JARID2: variants seen among roughly 807,000 people sequenced by gnomAD.
JARID2 encodes protein Jumonji.
In JARID2, 21 loss-of-function variants were observed where a neutral mutation model predicts 125.6. The observed-to-expected ratio is 0.17, with a 90% confidence interval of 0.12 to 0.24. The LOEUF (loss-of-function observed/expected upper bound fraction) is 0.24. JARID2 is among the 10% of genes least tolerant of loss of function. The pLI is 1.00. For synonymous variants in JARID2, 736 were observed against 661.6 expected (o/e 1.11, Z -1.73); for missense variants, 1,303 against 1,639.6 (o/e 0.79, Z 3.55).
chr6:15,404,519 G>GCACACACACACA (rs3138770), intron 2 of JARID2, among the ~76,000 whole-genome samples: 16 of 138,354 alleles, frequency 1.2e-4, no homozygotes, highest in African/African-American at 2.8e-4. Flanking sequence ...ATCTTAAAGT[G>GCACACACACACA]CACACACACA....
chr6:15,501,361 G>A lies in JARID2; in HGVS notation c.2400G>A (p.Glu800=), dbSNP rs1462010932. ...FAQEKEVVKE[E]EEDKGVLNDF... ...AGGAAAAAGAAGTGGTCAAGGAAGA[G>A]GAGGAGGACAAAGGCGTCCTCAATG... Residue 800 remains glutamate (E), a synonymous_variant, in exon 8 of 18, where the codon GAG becomes GAA. Transcript: ENST00000341776. 2 of 1,588,846 alleles carry A rather than the reference G, an allele frequency of 1.3e-6. No individual in the cohort carries two copies. The highest frequency in any genetic ancestry group is 1.8e-5 in the Admixed American group (1 of 56,950).
intron 3 of JARID2, among the ~76,000 whole-genome samples, chr6:15,423,450 A>T (rs986689247): frequency 6.6e-6 from 1 of 152,190 alleles, no homozygotes; most frequent in African/African-American, 2.4e-5. Context: ...ACATCACAGA[A>T]GGAAGAGTTT....
intron 3 of JARID2, among the ~76,000 whole-genome samples, chr6:15,418,741 A>C (rs1659300396): frequency 6.6e-6 from 1 of 152,000 alleles, no homozygotes. Flanking sequence ...GAATGTAAAG[A>C]ATCATTGGAA....
intron 1 of JARID2, among the ~76,000 whole-genome samples, chr6:15,254,700 T>C (rs1052170822): frequency 1.3e-5 from 2 of 152,118 alleles, no homozygotes; most frequent in Non-Finnish European, 2.9e-5. Flanking sequence ...TGAAATATTA[T>C]CAACAGCAGT....
intron 1 of JARID2, among the ~76,000 whole-genome samples, chr6:15,344,104 ATTTTTTTTTT>A (rs58867061): frequency 6.5e-4 from 58 of 89,204 alleles, no homozygotes; most frequent in African/African-American, 1.1e-3. Flanking sequence ...GTATGTAGTG[ATTTTTTTTTT>A]TTTTTTTTTT....
chr6:15,384,833 A>T (rs149626903), intron 2 of JARID2, among the ~76,000 whole-genome samples: 88 of 152,240 alleles, frequency 5.8e-4, no homozygotes, highest in East Asian at 5.4e-3. Flanking sequence ...TTGGCCTCCC[A>T]GAGTGTTAGA....
intron 1 of JARID2, among the ~76,000 whole-genome samples, chr6:15,276,864 G>T (rs1760541628): frequency 6.6e-6 from 1 of 152,080 alleles, no homozygotes; most frequent in African/African-American, 2.4e-5. Context: ...TTAGGAATAG[G>T]CCGGTACAAT....
At chr6:15,456,212 T>G (rs769570740) in intron 4 of JARID2, among the ~76,000 whole-genome samples, 5 of 152,170 alleles carry the variant, frequency 3.3e-5, no homozygotes, top group Admixed American at 6.5e-5. Context: ...ACCTGGAGAG[T>G]CTTTTAGTTG....
At chr6:15,406,669 G>A (rs568564288) in intron 2 of JARID2, among the ~76,000 whole-genome samples, 59 of 152,280 alleles carry the variant, frequency 3.9e-4, no homozygotes, top group Non-Finnish European at 7.1e-4. Context: ...CCTTATCAGA[G>A]TAGCCTTATC....
chr6:15,461,140 G>C (rs542790978), intron 4 of JARID2, among the ~76,000 whole-genome samples: 15 of 152,348 alleles, frequency 9.8e-5, no homozygotes, highest in Admixed American at 9.1e-4. Flanking sequence ...GATAGACCTT[G>C]TGGCATTTGA....
In JARID2 at chr6:15,501,404, T is replaced by C. The variant is rs1770727620; in HGVS notation, c.2443T>C (p.Tyr815His). The C allele has an allele frequency of 6.5e-7, 1 of 1,537,960 alleles. No individual in the cohort carries two copies. Residue 815 changes from tyrosine (Y) to histidine (H), a missense_variant, in exon 8 of 18, where the codon TAT becomes CAT. Coordinates refer to ENST00000341776, the MANE Select transcript of JARID2 (RefSeq NM_004973.4). The part of the protein sequence containing the change: ...GVLNDFHKCI[Y>H]KGRSVSLTTF... ...CCTCAATGACTTCCACAAGTGCATC[T>C]ATAAGGTAGGGGCCTCCGCAGAGCA...
chr6:15,497,789 G>A (rs966225402), intron 7 of JARID2, among the ~76,000 whole-genome samples: 14 of 152,266 alleles, frequency 9.2e-5, no homozygotes, highest in Admixed American at 6.5e-5. Context: ...AGTGGGGAGC[G>A]CTGCCCCTCT....
intron 13 of JARID2, among the ~76,000 whole-genome samples, chr6:15,511,943 G>A (rs1177531847): frequency 2.0e-5 from 3 of 152,186 alleles, no homozygotes; most frequent in African/African-American, 7.2e-5. Context: ...ACCTTGTCCT[G>A]TTTCCAGCCC....
At chr6:15,437,427 C>T (rs1184206215) in intron 3 of JARID2, among the ~76,000 whole-genome samples, 2 of 152,140 alleles carry the variant, frequency 1.3e-5, no homozygotes, top group African/African-American at 2.4e-5. Flanking sequence ...CTGTCCTTTA[C>T]GCTTACATTG....
chr6:15,511,144 C>T (rs1380524902), intron 12 of JARID2, 152 bp from the exon 13 acceptor site: 1 of 645,892 alleles, frequency 1.5e-6, no homozygotes, highest in South Asian at 1.8e-5. Context: ...CAGCAGTGAC[C>T]AGGCACCCAG....
Position 15,514,180 on chromosome 6 carries a change from C to T in JARID2, c.3450+758C>T, listed in dbSNP as rs1043271997. 1.2e-4 allele frequency among the ~76,000 whole-genome samples: 17 copies of T among 143,970 alleles called. 2 individuals carry two copies. Among genetic ancestry groups the T allele is most frequent in the East Asian group, 2.1e-4 (1 of 4,852 alleles). The allele number at this position is 143,970 out of a possible 152,430, so 94.4% of individuals were successfully genotyped here. On this transcript the variant is annotated intron_variant, in intron 16 of 17. Transcript: ENST00000341776. ...CATGGCGACTGGATGGCTGTGGCCTCGCCATGCTTCTTCCAGTCTCCCCTT... is the reference window on the plus strand; with the variant it reads ...CATGGCGACTGGATGGCTGTGGCCTTGCCATGCTTCTTCCAGTCTCCCCTT...
chr6:15,323,764 G>A (rs566696626), intron 1 of JARID2, among the ~76,000 whole-genome samples: 1 of 152,244 alleles, frequency 6.6e-6, no homozygotes, highest in Non-Finnish European at 1.5e-5. Context: ...GTGTGGTGGT[G>A]TGCGCCTGTA....
At chr6:15,256,837 G>A (rs10949287) in intron 1 of JARID2, among the ~76,000 whole-genome samples, 40,754 of 152,116 alleles carry the variant, frequency 0.27, 5,673 homozygotes, top group South Asian at 0.45. Context: ...CTGAATTTAT[G>A]TCATTGTAGG....
At chr6:15,416,783 C>T (rs1290745261) in intron 3 of JARID2, among the ~76,000 whole-genome samples, 1 of 151,962 alleles carries the variant, frequency 6.6e-6, no homozygotes, top group African/African-American at 2.4e-5. Context: ...ATTACAGAGA[C>T]TTTCATCCTG....
Sources: allele counts gnomAD v4.1 joint callset (sites outside exome capture counted in the v4.1 genomes callset), GRCh38; gene constraint gnomAD v4.1.1; transcripts MANE v1.5; gene names NCBI Gene and HGNC (gene_info 2026-07-23, HGNC 2026-07-21).